The following ATAD1 variants were observed in gnomAD, a reference collection of about 807,000 sequenced individuals.
The protein encoded by ATAD1 is outer mitochondrial transmembrane helix translocase.
Under a neutral mutation model 42.7 loss-of-function variants are expected in ATAD1, and 18 were observed. That is an observed-to-expected ratio of 0.42 (90% confidence interval 0.29 to 0.63). ATAD1 has a LOEUF of 0.63. Among genes scored for constraint, ATAD1 ranks in the 20% least tolerant of loss-of-function variants. The probability of loss-of-function intolerance (pLI) is 0.19; values close to 1 mark genes in which losing one functional copy is unlikely to be tolerated. For synonymous variants in ATAD1, 132 were observed against 143.1 expected (o/e 0.92, Z 0.55); for missense variants, 294 against 440.4 (o/e 0.67, Z 2.98).
chr10:87,796,333 C>T (rs1386448842), intron 2 of ATAD1, among the ~76,000 whole-genome samples: 3 of 152,156 alleles, frequency 2.0e-5, no homozygotes, highest in Non-Finnish European at 4.4e-5. Flanking sequence ...CCATTCTATT[C>T]AAAGTCACCC....
chr10:87,764,982 A>C (rs1439656746), intron 8 of ATAD1, among the ~76,000 whole-genome samples: 1 of 152,172 alleles, frequency 6.6e-6, no homozygotes, highest in Non-Finnish European at 1.5e-5. Context: ...ATAATCAGAG[A>C]CTTGTACATA....
chr10:87,834,662 T>G lies in ATAD1; in HGVS notation c.-14+6525A>C, dbSNP rs562767004. Among the ~76,000 whole-genome samples, 10 of 152,274 alleles carry G rather than the reference T, an allele frequency of 6.6e-5. No individual in the cohort carries two copies. In the South Asian group the frequency reaches 1.5e-3, roughly 22 times the overall value. On this transcript the variant is annotated intron_variant, in intron 1 of 4. Coordinates refer to the ATAD1 transcript ENST00000495903. Reference sequence around the variant, plus strand: ...CTGATATGGTAAATTGTGTCTTTTCTTCGTAATCTTGCAAGAGATTTGTGA... The same window carrying G: ...CTGATATGGTAAATTGTGTCTTTTCGTCGTAATCTTGCAAGAGATTTGTGA...
intron 7 of ATAD1, among the ~76,000 whole-genome samples, chr10:87,770,041 A>T (rs1424431380): frequency 1.3e-5 from 2 of 152,182 alleles, no homozygotes; most frequent in Non-Finnish European, 2.9e-5. Context: ...TTTTCTAAGG[A>T]TGTGCACACA....
intron 1 of ATAD1, among the ~76,000 whole-genome samples, chr10:87,829,471 G>C (rs192256360): frequency 5.3e-5 from 8 of 152,128 alleles, no homozygotes; most frequent in South Asian, 4.2e-4. Flanking sequence ...GGCCAGGATG[G>C]TCTTGATCTC....
At chr10:87,759,691 G>A (rs1233571970) in intron 8 of ATAD1, 1 of 426,074 alleles carries the variant, frequency 2.3e-6, no homozygotes, top group Non-Finnish European at 4.7e-6. Context: ...TTAATTAAGA[G>A]GTACCATACC....
chr10:87,761,392 T>C (rs1375137620), intron 8 of ATAD1, among the ~76,000 whole-genome samples: 7 of 152,314 alleles, frequency 4.6e-5, no homozygotes, highest in Middle Eastern at 3.4e-3. Context: ...CTGGGTGGGA[T>C]GGCTCATGCT....
At chr10:87,827,713 A>G (rs916219473) in intron 1 of ATAD1, among the ~76,000 whole-genome samples, 1 of 152,082 alleles carries the variant, frequency 6.6e-6, no homozygotes, top group Non-Finnish European at 1.5e-5. Context: ...CCCTCTCCTC[A>G]GGGCTTGCTT....
intron 1 of ATAD1, among the ~76,000 whole-genome samples, chr10:87,829,153 T>C (rs571783641): frequency 1.3e-5 from 2 of 152,282 alleles, no homozygotes; most frequent in South Asian, 4.1e-4. Flanking sequence ...AGGCTATAGC[T>C]ACCATAGATA....
In ATAD1 at chr10:87,752,127, A is replaced by T. The variant is rs1854041775; in HGVS notation, c.*2560T>A. On this transcript the variant is annotated 3_prime_UTR_variant, in exon 10 of 10. Transcript: ENST00000680024. ...TGCAGGTAGGGGGTTGGCTGAGATTAAAAGGAGAAACATAGTAAAGGAGAT... is the reference window on the plus strand; with the variant it reads ...TGCAGGTAGGGGGTTGGCTGAGATTTAAAGGAGAAACATAGTAAAGGAGAT... 6.6e-6 allele frequency: 1 copy of T among 152,200 alleles called. No homozygotes were observed. The highest frequency in any genetic ancestry group is 2.1e-4 in the South Asian group (1 of 4,834). 9.4% of individuals were successfully genotyped at this position (152,200 alleles called of 1,614,324 possible).
intron 1 of ATAD1, among the ~76,000 whole-genome samples, chr10:87,817,227 G>A (rs1458266951): frequency 1.3e-5 from 2 of 152,184 alleles, no homozygotes; most frequent in Non-Finnish European, 2.9e-5. Context: ...TACCTAAAAT[G>A]TAAGGCTGTT....
At position 87,751,807 on chromosome 10, in the gene ATAD1, G is replaced by T. The variant is rs1298044579; in HGVS notation, c.*2880C>A. On this transcript the variant is annotated 3_prime_UTR_variant, in exon 10 of 10. Transcript: ENST00000680024. ...TATATATTCAGCATATCAGAATTCT[G>T]TTCAATATTCTGATTTTAAGAGAAG... 3 of 152,130 alleles carry T rather than the reference G, an allele frequency of 2.0e-5. No homozygotes were observed. Among genetic ancestry groups the T allele is most frequent in the Non-Finnish European group, 4.4e-5 (3 of 68,022 alleles). The allele number at this position is 152,130 out of a possible 1,614,324, so 9.4% of individuals were successfully genotyped here. A position where few individuals can be genotyped will look rare whatever the true frequency, so the allele number is the denominator to read the frequency against.
intron 2 of ATAD1, among the ~76,000 whole-genome samples, chr10:87,800,408 C>G (rs1262222205): frequency 3.3e-5 from 5 of 151,914 alleles, no homozygotes; most frequent in African/African-American, 1.2e-4. Context: ...TTTTTTTCCT[C>G]AAGTTCTGTT....
At chr10:87,833,727 CTTT>C (rs3033524) in intron 1 of ATAD1, among the ~76,000 whole-genome samples, 2 of 100,756 alleles carry the variant, frequency 2.0e-5, no homozygotes, top group Admixed American at 1.3e-4. Context: ...TCTTTCTTTC[CTTT>C]TTTTTTTTTT....
intron 9 of ATAD1, among the ~76,000 whole-genome samples, chr10:87,755,243 A>G (rs976413332): frequency 2.0e-5 from 3 of 152,184 alleles, no homozygotes; most frequent in African/African-American, 7.2e-5. Flanking sequence ...ATATACTTAC[A>G]TGCATGTTTT....
At chr10:87,832,039 G>C (rs1049944149) in intron 1 of ATAD1, 2 of 142,908 alleles carry the variant, frequency 1.4e-5, no homozygotes, top group African/African-American at 5.2e-5. Context: ...ATTATGCTCT[G>C]TTCCCAAATT....
intron 2 of ATAD1, among the ~76,000 whole-genome samples, chr10:87,811,349 A>C (rs904745039): frequency 6.6e-6 from 1 of 152,078 alleles, no homozygotes; most frequent in Non-Finnish European, 1.5e-5. Context: ...AAATAAATAA[A>C]TAAATAAATA....
intron 3 of ATAD1, among the ~76,000 whole-genome samples, chr10:87,791,906 C>T (rs912385135): frequency 6.6e-6 from 1 of 152,030 alleles, no homozygotes; most frequent in African/African-American, 2.4e-5. Flanking sequence ...TTGCCAAGGC[C>T]ATTAATGGAA....
rs117229632 is a variant in ATAD1, at chr10:87,795,318, C to T, written c.163-2563G>A. 1.6e-4 allele frequency among the ~76,000 whole-genome samples: 25 copies of T among 152,112 alleles called. No individual in the cohort carries two copies. In the East Asian group the frequency reaches 4.8e-3, roughly 29 times the overall value. ...GTCCCAGGAAGAAGTTATACAATTG[C>T]CTAGTTTTGACACTTTTAAGTGAGC... is the stretch of plus-strand genomic sequence containing the variant. On this transcript the variant is annotated intron_variant, in intron 2 of 9. Coordinates refer to ENST00000680024, the MANE Select transcript of ATAD1 (RefSeq NM_001321967.2).
In ATAD1 at chr10:87,766,804, C is replaced by T. The variant is rs1035897171; in HGVS notation, c.831+869G>A. 2.7e-5 allele frequency among the ~76,000 whole-genome samples: 4 copies of T among 150,716 alleles called. No individual in the cohort carries two copies. In the East Asian group the frequency reaches 7.8e-4, roughly 29 times the overall value. Reference sequence around the variant, plus strand: ...CCAGCCTGGACTACAGAGTGACACTCTGCTTCAAAAAAAAAAGAAAGAAAA... The same window carrying T: ...CCAGCCTGGACTACAGAGTGACACTTTGCTTCAAAAAAAAAAGAAAGAAAA... On this transcript the variant is annotated intron_variant, in intron 8 of 9. Coordinates refer to ENST00000680024, the MANE Select transcript of ATAD1 (RefSeq NM_001321967.2).
Sources: gnomAD v4.1 joint callset for allele counts (sites outside exome capture counted in the v4.1 genomes callset) on GRCh38, gnomAD v4.1.1 for gene constraint, MANE v1.5 for transcripts, NCBI Gene and HGNC (gene_info 2026-07-23, HGNC 2026-07-21) for gene names.